The following LAMA5 variants were observed in gnomAD, a reference collection of about 807,000 sequenced individuals.
LAMA5 encodes laminin subunit alpha 5, also known as laminin subunit alpha-5.
Under a neutral mutation model 433.4 loss-of-function variants are expected in LAMA5, and 260 were observed. The ratio of observed to expected loss-of-function variants is 0.60; its 90% CI spans 0.54 to 0.66. The LOEUF is 0.66. Among genes scored for constraint, LAMA5 ranks in the 30% least tolerant of loss-of-function variants. LAMA5 has a pLI of 0.00. For missense variants in LAMA5, 5,378 were observed against 5,258.5 expected (o/e 1.02, Z -0.70); for synonymous variants, 2,620 against 2,226.6 (o/e 1.18, Z -4.97).
chr20:62,338,951 C>T (rs533507340), intron 11 of LAMA5, among the ~76,000 whole-genome samples: 3 of 151,346 alleles, frequency 2.0e-5, no homozygotes, highest in South Asian at 2.1e-4. Context: ...GCAGGAGAAT[C>T]GCTTGATCCT....
rs1568941798 is a variant in LAMA5, at chr20:62,333,158, G to T, written c.3214C>A (p.Pro1072Thr). 1 of 1,516,334 alleles carries T rather than the reference G, an allele frequency of 6.6e-7. No homozygotes were observed. The highest frequency in any genetic ancestry group is 8.8e-7 in the Non-Finnish European group (1 of 1,134,440). The allele number at this position is 1,516,334 out of a possible 1,614,324, so 93.9% of individuals were successfully genotyped here. A position where few individuals can be genotyped will look rare whatever the true frequency, so the allele number is the denominator to read the frequency against. Reference sequence around the variant, plus strand: ...AGCTGCTCCGTGGGGCAGGGCCGGGGCAGGCTGTTGTCCTGGCGACACAGG... The same window carrying T: ...AGCTGCTCCGTGGGGCAGGGCCGGGTCAGGCTGTTGTCCTGGCGACACAGG... ...EALCRQDNSLPRPCPTEQLSP... is the reference protein window; with the variant it reads ...EALCRQDNSLTRPCPTEQLSP... Residue 1072 changes from proline (P) to threonine (T), a missense_variant, in exon 26 of 80, where the codon CCC becomes ACC. Pro to Thr is a conservative substitution (Grantham distance 38). Coordinates refer to ENST00000252999, the MANE Select transcript of LAMA5 (RefSeq NM_005560.6).
At chr20:62,321,344 G>C (rs1354430642) in intron 48 of LAMA5, among the ~76,000 whole-genome samples, 13 of 79,338 alleles carry the variant, frequency 1.6e-4, no homozygotes, top group Non-Finnish European at 2.5e-5. Context: ...TGCAGCCAGT[G>C]GAAGAGGTGG....
intron 9 of LAMA5, 118 bp from the exon 10 acceptor site, chr20:62,346,333 G>T: frequency 7.0e-7 from 1 of 1,420,254 alleles, no homozygotes; most frequent in Non-Finnish European, 9.5e-7. Context: ...CTACAGCCAG[G>T]CCCCCTGGGG....
intron 9 of LAMA5, 61 bp from the exon 10 acceptor site, chr20:62,346,276 A>C (rs1983350379): frequency 1.3e-6 from 2 of 1,558,536 alleles, no homozygotes; most frequent in South Asian, 2.3e-5. Flanking sequence ...GTGGGCTCCA[A>C]GATGTGGCAG....
At position 62,346,184 on chromosome 20, in the gene LAMA5, G is replaced by A. The variant is rs751876513; in HGVS notation, c.1314C>T (p.Gly438=). The change falls in exon 10 of 80, where the codon GGC becomes GGT. Residue 438 remains glycine, a synonymous_variant. Transcript: ENST00000252999. Reference sequence around the variant, plus strand: ...ATCGACCCGTCAGGTCCTCGCAGGTGCCATCCGTGAAGTCGGACTCGCAGT... The same window carrying A: ...ATCGACCCGTCAGGTCCTCGCAGGTACCATCCGTGAAGTCGGACTCGCAGT... ...RCNCESDFTD[G]TCEDLTGRCY... is the part of the protein sequence containing the mutation. 1.9e-6 allele frequency: 3 copies of A among 1,612,658 alleles called. No homozygotes were observed. The highest frequency in any genetic ancestry group is 2.7e-5 in the African/African-American group (2 of 75,056).
In LAMA5 at chr20:62,311,408, G is replaced by C; in HGVS notation, c.9935C>G (p.Ala3312Gly). ...CACCCCTGGGGTGCCCACCTTCCGG[G>C]CGGTGGCCTGCAGTCCTCTAGGCCC... ...GLGPRGLQAT[A>G]RKASRRSRQP... Residue 3312 changes from alanine to glycine, a missense_variant, in exon 72 of 80, where the codon GCC (alanine) becomes GGC (glycine). Ala to Gly is a moderately conservative substitution (Grantham distance 60). Coordinates refer to ENST00000252999, the MANE Select transcript of LAMA5 (RefSeq NM_005560.6). The C allele has an allele frequency of 3.8e-6, 6 of 1,564,970 alleles. No individual in the cohort carries two copies. The highest frequency in any genetic ancestry group is 5.2e-6 in the Non-Finnish European group (6 of 1,153,506).
chr20:62,311,542 C>T lies in LAMA5; in HGVS notation c.9807-6G>A, dbSNP rs753146454. 2 of 1,609,504 alleles carry T rather than the reference C, an allele frequency of 1.2e-6. No individual in the cohort carries two copies. Among genetic ancestry groups the T allele is most frequent in the Non-Finnish European group, 8.5e-7 (1 of 1,177,996 alleles). Reference sequence around the variant, plus strand: ...CGCGCTGTGGGCCCAGGAGCCTGTGCAGGGCGGGCAGGCGGTCAGCAGCTG... The same window carrying T: ...CGCGCTGTGGGCCCAGGAGCCTGTGTAGGGCGGGCAGGCGGTCAGCAGCTG... On this transcript the variant is annotated splice_region_variant and splice_polypyrimidine_tract_variant and intron_variant, in intron 71 of 79. Transcript: ENST00000252999.
rs756101090 is a variant in LAMA5 at position 62,330,867 on chromosome 20, G to A, written c.3728C>T (p.Pro1243Leu). ...CGCGTGGGTCAGCGGGAGGCCGGGCGGCAGCGGGATCACCTGGCAGTCCCT... is the reference window on the plus strand; with the variant it reads ...CGCGTGGGTCAGCGGGAGGCCGGGCAGCAGCGGGATCACCTGGCAGTCCCT... ...ILRDCQVIPL[P>L]PGLPLTHAQD... Residue 1243 changes from proline (P) to leucine (L), a missense_variant, in exon 30 of 80, where the codon CCG (proline) becomes CTG (leucine). Coordinates refer to ENST00000252999, the MANE Select transcript of LAMA5 (RefSeq NM_005560.6). 92 of 1,541,084 alleles carry A rather than the reference G, an allele frequency of 6.0e-5. No homozygotes were observed. Among genetic ancestry groups the A allele is most frequent in the Admixed American group, 1.2e-4 (6 of 49,790 alleles).
intron 74 of LAMA5, 34 bp from the exon 75 acceptor site, chr20:62,310,863 C>T (rs1986183348): frequency 1.2e-6 from 2 of 1,600,800 alleles, no homozygotes; most frequent in Non-Finnish European, 1.7e-6. Context: ...GTAGGGCTGC[C>T]AGGCCCTGCC....
Position 62,367,075 on chromosome 20 carries a change from G to T in LAMA5, c.171C>A (p.Arg57=). The change falls in exon 1 of 80, where the codon CGC becomes CGA. Residue 57 remains arginine, a synonymous_variant. Coordinates refer to ENST00000252999, the MANE Select transcript of LAMA5 (RefSeq NM_005560.6). ...PPYFNLAEGA[R]IAASATCGEE... ...CTCCGCAGGTCGCGGAGGCGGCGAT[G>T]CGGGCGCCCTCGGCCAGGTTGAAGT... 7.9e-7 allele frequency: 1 copy of T among 1,262,848 alleles called. No individual in the cohort carries two copies. Among genetic ancestry groups the T allele is most frequent in the South Asian group, 3.1e-5 (1 of 32,328 alleles). 78.2% of individuals were successfully genotyped at this position (1,262,848 alleles called of 1,614,324 possible). A position where few individuals can be genotyped will look rare whatever the true frequency, so the allele number is the denominator to read the frequency against.
At position 62,329,150 on chromosome 20, in the gene LAMA5, C is replaced by T. The variant is rs757278388; in HGVS notation, c.4223G>A (p.Gly1408Asp). ...GAGCCCTGCCCACCTGATGTGGTAGCCCTGGGCTGCGCAGTGGCTGATGAA... is the reference window on the plus strand; with the variant it reads ...GAGCCCTGCCCACCTGATGTGGTAGTCCTGGGCTGCGCAGTGGCTGATGAA... ...YDFISHCAAQ[G>D]YHISPSSSSL... The change falls in exon 33 of 80, where the codon GGC (glycine) becomes GAC (aspartate). Residue 1408 changes from glycine (G) to aspartate (D), a missense_variant. Gly to Asp is a moderately conservative substitution (Grantham distance 94, BLOSUM62 -1). Transcript: ENST00000252999. 5.6e-6 allele frequency: 9 copies of T among 1,612,800 alleles called. No individual in the cohort carries two copies. The highest frequency in any genetic ancestry group is 7.6e-6 in the Non-Finnish European group (9 of 1,179,844).
rs1187957613 is a variant in LAMA5, at chr20:62,312,564, C to T, written c.9228-32G>A. 12 of 1,598,994 alleles carry T rather than the reference C, an allele frequency of 7.5e-6. No individual in the cohort carries two copies. The Admixed American group carries it at 2.0e-4, about 27-fold the overall frequency. ...GGAAGCGGGGATGCGGGTCAGGGCG[C>T]CACCTCCAAGCCCAGCCTACCGCCC... On this transcript the variant is annotated intron_variant, in intron 67 of 79. Transcript: ENST00000252999.
chr20:62,341,252 C>T (rs139872005), intron 11 of LAMA5, among the ~76,000 whole-genome samples: 22 of 152,048 alleles, frequency 1.4e-4, no homozygotes, highest in African/African-American at 3.9e-4. Flanking sequence ...TGAACAGTGA[C>T]GGGTTGAAAG....
Position 62,332,557 on chromosome 20 carries a change from C to A in LAMA5, c.3443G>T (p.Ser1148Ile). The A allele has an allele frequency of 1.3e-6, 2 of 1,598,794 alleles. No individual in the cohort carries two copies. The highest frequency in any genetic ancestry group is 2.3e-5 in the East Asian group (1 of 44,306). ...TCCAGCCCCACCGGCTCCCACTCACCTGTACAGGCAGGGGTGCAGGGAGAG... is the reference window on the plus strand; with the variant it reads ...TCCAGCCCCACCGGCTCCCACTCACATGTACAGGCAGGGGTGCAGGGAGAG... ...GLLSLHPCLY[S>I]TLCRGTARDT... is the part of the protein sequence containing the mutation. The change falls in exon 27 of 80, where the codon AGC becomes ATC. Residue 1148 changes from serine to isoleucine, a missense_variant and splice_region_variant. By Grantham distance (142) the Ser-to-Ile change is moderately radical. Transcript: ENST00000252999.
chr20:62,353,534 T>C (rs962596256), intron 2 of LAMA5, among the ~76,000 whole-genome samples: 1 of 152,188 alleles, frequency 6.6e-6, no homozygotes, highest in Non-Finnish European at 1.5e-5. Context: ...CCGCAGGAGT[T>C]TGGGGTTCCC....
chr20:62,366,498 T>C (rs578420), intron 1 of LAMA5, among the ~76,000 whole-genome samples: 152,121 of 152,290 alleles, frequency 1, 75,977 homozygotes, highest in Non-Finnish European at 1. Flanking sequence ...CGAGAGGGGC[T>C]AGTGGGAGCC....
At chr20:62,351,116 C>A (rs142674670) in intron 6 of LAMA5, 94 of 159,814 alleles carry the variant, frequency 5.9e-4, no homozygotes, top group Non-Finnish European at 1.1e-3. Context: ...AAAGCAGGCA[C>A]ACAGGGCACA....
At chr20:62,326,624 C>G in intron 40 of LAMA5, 53 bp downstream of exon 40, 1 of 1,455,344 alleles carries the variant, frequency 6.9e-7, no homozygotes, top group South Asian at 1.2e-5. Flanking sequence ...CCGGCCTTCC[C>G]AGATGAGCTG....
rs761291766 is a variant in LAMA5, at chr20:62,315,142, G to A, written c.7933C>T (p.Arg2645Cys). ...ATGGCCTGCAGCTGGGACTGCACAC[G>A]GGTGGCGGTGTCCTGGGCTTCAGCA... The part of the protein sequence containing the change: ...VAAEAQDTAT[R>C]VQSQLQAMQE... Residue 2645 changes from arginine to cysteine, a missense_variant, in exon 59 of 80, where the codon CGT becomes TGT. Coordinates refer to ENST00000252999, the MANE Select transcript of LAMA5 (RefSeq NM_005560.6). 32 of 1,610,358 alleles carry A rather than the reference G, an allele frequency of 2.0e-5. No homozygotes were observed. The highest frequency in any genetic ancestry group is 1.6e-4 in the Middle Eastern group (1 of 6,080).
Sources: allele counts gnomAD v4.1 joint callset (sites outside exome capture counted in the v4.1 genomes callset), GRCh38; gene constraint gnomAD v4.1.1; transcripts MANE v1.5; gene names NCBI Gene and HGNC (gene_info 2026-07-23, HGNC 2026-07-21).